Variants in DACH2 observed in about 807,000 individuals in gnomAD.
The protein encoded by DACH2 is dachshund family transcription factor 2.
In DACH2, 17 loss-of-function variants were observed where a neutral mutation model predicts 35.8. The observed-to-expected ratio is 0.48, with a 90% CI of 0.33 to 0.71. The LOEUF is 0.71. Among genes scored for constraint, DACH2 ranks in the 30% least tolerant of loss-of-function variants. DACH2 has a pLI of 0.02. For missense variants in DACH2, 469 were observed against 472.7 expected, an observed-to-expected ratio of 0.99 and a Z score of 0.07; for synonymous variants, 195 against 177.3, an observed-to-expected ratio of 1.10 and a Z score of -0.79.
At chrX:86,345,483 G>T in intron 1 of DACH2, 1 of 271,030 alleles carries the variant, frequency 3.7e-6, no homozygotes, top group Non-Finnish European at 7.0e-6. Context: ...GAGAGAGGGA[G>T]AAAGTTATGA....
intron 1 of DACH2, among the ~76,000 whole-genome samples, chrX:86,305,942 A>G (rs1354743474): frequency 8.9e-6 from 1 of 111,892 alleles, no homozygotes; most frequent in Admixed American, 9.6e-5. Context: ...AGACAAAACA[A>G]CTAACAAATG....
At chrX:86,806,439 G>A (rs2147343299) in intron 7 of DACH2, among the ~76,000 whole-genome samples, 1 of 111,621 alleles carries the variant, frequency 9.0e-6, no homozygotes, top group East Asian at 2.8e-4. Flanking sequence ...TTTGACGTGA[G>A]ATTTGTGTAG....
chrX:86,499,509 T>C (rs1019096263), intron 2 of DACH2, among the ~76,000 whole-genome samples: 1 of 111,407 alleles, frequency 9.0e-6, no homozygotes, highest in African/African-American at 3.3e-5. Flanking sequence ...TATAGAGAGA[T>C]GGTATTCAGA....
chrX:86,354,743 G>A lies in DACH2; in HGVS notation c.489-22081G>A, dbSNP rs1305712164. 1.1e-3 allele frequency among the ~76,000 whole-genome samples: 21 copies of A among 18,986 alleles called. 6 individuals are homozygous for A. Among genetic ancestry groups the A allele is most frequent in the Non-Finnish European group, 1.6e-3 (21 of 12,776 alleles). The allele number at this position is 18,986 out of a possible 115,157, so 16.5% of individuals were successfully genotyped here. On this transcript the variant is annotated intron_variant, in intron 1 of 11. Transcript: ENST00000373125. ...TAGATGACACATTAGTGGGTGCAGC[G>A]CACCAGCATGGCACATGTATACATA...
At chrX:86,336,345 C>G (rs7064870) in intron 1 of DACH2, among the ~76,000 whole-genome samples, 22,329 of 111,213 alleles carry the variant, frequency 0.2, 2,734 homozygotes, top group African/African-American at 0.45. Flanking sequence ...CTTTGTACCT[C>G]TGGTAGAATT....
chrX:86,305,473 A>G (rs73516089), intron 1 of DACH2, among the ~76,000 whole-genome samples: 2,587 of 112,188 alleles, frequency 0.023, 78 homozygotes, highest in African/African-American at 0.078. Flanking sequence ...CTATAGAACT[A>G]CTAAAAGAAC....
At chrX:86,807,716 T>C (rs749814683) in intron 7 of DACH2, among the ~76,000 whole-genome samples, 1 of 111,739 alleles carries the variant, frequency 8.9e-6, no homozygotes, top group Non-Finnish European at 1.9e-5. Flanking sequence ...AAAGGAAAAC[T>C]GTGCCCTGTG....
intron 3 of DACH2, among the ~76,000 whole-genome samples, chrX:86,591,265 T>A (rs2039641827): frequency 9.0e-6 from 1 of 111,711 alleles, no homozygotes; most frequent in African/African-American, 3.3e-5. Flanking sequence ...CTATTGTGAA[T>A]AGTGCCGCAA....
intron 3 of DACH2, among the ~76,000 whole-genome samples, chrX:86,611,122 C>T (rs1481336673): frequency 9.1e-6 from 1 of 110,109 alleles, no homozygotes; most frequent in Non-Finnish European, 1.9e-5. Context: ...TCTCTTTATT[C>T]AGCAGGTGAT....
intron 1 of DACH2, among the ~76,000 whole-genome samples, chrX:86,358,475 AC>A (rs2035680604): frequency 1.9e-5 from 2 of 103,304 alleles, no homozygotes; most frequent in Admixed American, 1.0e-4. Context: ...ACACACACAC[AC>A]ACACAATCCC....
At chrX:86,449,870 AAC>A (rs1367629694) in intron 2 of DACH2, among the ~76,000 whole-genome samples, 2 of 111,593 alleles carry the variant, frequency 1.8e-5, no homozygotes, top group African/African-American at 6.5e-5. Flanking sequence ...TATTATTTTT[AAC>A]AGTTTCGTCT....
At chrX:86,494,410 T>C (rs888612373) in intron 2 of DACH2, among the ~76,000 whole-genome samples, 5 of 111,910 alleles carry the variant, frequency 4.5e-5, no homozygotes, top group African/African-American at 1.6e-4. Context: ...GCATCAAAGG[T>C]GGATATAAGT....
intron 2 of DACH2, among the ~76,000 whole-genome samples, chrX:86,397,333 C>A (rs2036317186): frequency 9.0e-6 from 1 of 111,630 alleles, no homozygotes; most frequent in Admixed American, 9.5e-5. Context: ...ACGTCATCTG[C>A]AAACAGGGAC....
chrX:86,164,785 T>C lies in DACH2; in HGVS notation c.488+15677T>C, dbSNP rs2030884960. ...TTTTGGGTTCTGTATTCTGTTCCATTGGTCTGTGTGTCTGTTCTTGTACCA... is the reference window on the plus strand; with the variant it reads ...TTTTGGGTTCTGTATTCTGTTCCATCGGTCTGTGTGTCTGTTCTTGTACCA... On this transcript the variant is annotated intron_variant, in intron 1 of 11. Coordinates refer to ENST00000373125, the MANE Select transcript of DACH2 (RefSeq NM_053281.3). Among the ~76,000 whole-genome samples, 4 of 111,174 alleles carry C rather than the reference T, an allele frequency of 3.6e-5. No homozygotes were observed. In the Admixed American group the frequency reaches 3.8e-4, roughly 11 times the overall value.
At chrX:86,567,598 C>T (rs1004387639) in intron 3 of DACH2, among the ~76,000 whole-genome samples, 1 of 111,685 alleles carries the variant, frequency 9.0e-6, no homozygotes, top group East Asian at 2.8e-4. Context: ...TTACTATATA[C>T]AGTTTTAAAA....
At chrX:86,160,086 C>A (rs955464880) in intron 1 of DACH2, among the ~76,000 whole-genome samples, 1 of 110,754 alleles carries the variant, frequency 9.0e-6, no homozygotes, top group African/African-American at 3.3e-5. Context: ...AAACATTCTG[C>A]CTTCCTTCTA....
At chrX:86,162,045 G>T (rs1448007563) in intron 1 of DACH2, among the ~76,000 whole-genome samples, 1 of 111,662 alleles carries the variant, frequency 9.0e-6, no homozygotes, top group Non-Finnish European at 1.9e-5. Flanking sequence ...TTGAATGACA[G>T]ATATGCTGTG....
intron 2 of DACH2, among the ~76,000 whole-genome samples, chrX:86,439,919 G>A (rs1352582288): frequency 1.8e-5 from 2 of 111,107 alleles, no homozygotes; most frequent in African/African-American, 6.5e-5. Flanking sequence ...CAAGTATTCT[G>A]GGGGTTTCTA....
intron 2 of DACH2, among the ~76,000 whole-genome samples, chrX:86,472,001 T>C (rs2037768163): frequency 8.9e-6 from 1 of 112,204 alleles, no homozygotes; most frequent in Admixed American, 9.5e-5. Context: ...GATAAACCTA[T>C]TAGATTTTTA....
Sources: gnomAD v4.1 joint callset for allele counts (sites outside exome capture counted in the v4.1 genomes callset) on GRCh38, gnomAD v4.1.1 for gene constraint, MANE v1.5 for transcripts, NCBI Gene and HGNC (gene_info 2026-07-23, HGNC 2026-07-21) for gene names.